The following PAK2 variants were observed in gnomAD, a reference collection of about 807,000 sequenced individuals.
PAK2 encodes p21 (RAC1) activated kinase 2, also known as serine/threonine-protein kinase PAK 2.
A neutral mutation model predicts 65.9 loss-of-function variants in PAK2; 21 were observed. The ratio of observed to expected loss-of-function variants is 0.32; its 90% CI spans 0.23 to 0.46. The LOEUF (loss-of-function observed/expected upper bound fraction) is 0.46. Among genes scored for constraint, PAK2 ranks in the 20% least tolerant of loss-of-function variants. PAK2 has a pLI of 1.00. For synonymous variants in PAK2, 204 were observed against 219.7 expected, an observed-to-expected ratio of 0.93 and a Z score of 0.63; for missense variants, 324 against 642.6, an observed-to-expected ratio of 0.50 and a Z score of 5.36.
chr3:196,803,679 A>G (rs1715488533), intron 4 of PAK2, among the ~76,000 whole-genome samples: 1 of 152,226 alleles, frequency 6.6e-6, no homozygotes, highest in Admixed American at 6.5e-5. Context: ...AAGCGTTAGA[A>G]CTAAAAGGAT....
chr3:196,796,231 G>C (rs1560107379), intron 2 of PAK2, among the ~76,000 whole-genome samples: 1 of 150,912 alleles, frequency 6.6e-6, no homozygotes, highest in Non-Finnish European at 1.5e-5. Flanking sequence ...AAATTTCTTT[G>C]AAAGATAATT....
intron 1 of PAK2, among the ~76,000 whole-genome samples, chr3:196,754,222 A>G (rs536608269): frequency 6.6e-6 from 1 of 152,266 alleles, no homozygotes; most frequent in South Asian, 2.1e-4. Context: ...GAAGTAATTT[A>G]CCTTGTAAGT....
chr3:196,812,394 ATGTTTATAGCACTTC>A (rs1426789169), intron 9 of PAK2, 127 bp downstream of exon 9: 1 of 703,052 alleles, frequency 1.4e-6, no homozygotes, highest in African/African-American at 1.7e-5. Context: ...CGCTCTACGT[ATGTTTATAGCACTTC>A]TGTCAGTAAG....
chr3:196,812,648 A>G, intron 9 of PAK2, 91 bp from the exon 10 acceptor site: 1 of 659,862 alleles, frequency 1.5e-6, no homozygotes, highest in Non-Finnish European at 2.7e-6. Context: ...GTAATACAGT[A>G]CACGTACCGT....
chr3:196,753,040 G>C (rs994959700), intron 1 of PAK2, among the ~76,000 whole-genome samples: 1 of 151,002 alleles, frequency 6.6e-6, no homozygotes, highest in African/African-American at 2.4e-5. Context: ...GAGTGCAGTG[G>C]TGCCGATGGC....
rs190858822 is a variant in PAK2 at position 196,806,671 on chromosome 3, G to A, written c.561G>A (p.Pro187=). 70 of 1,600,880 alleles carry A rather than the reference G, an allele frequency of 4.4e-5. No individual in the cohort carries two copies. The East Asian group carries it at 1.2e-3, about 29-fold the overall frequency. Residue 187 remains proline, a synonymous_variant, in exon 6 of 15, where the codon CCG becomes CCA. Transcript: ENST00000327134. ...ETAPPVIAPR[P]DHTKSIYTRS... ...CTCCTCCCGTTATTGCCCCGCGACC[G>A]GATCATACGAAATCAGTGAGTCTCC...
chr3:196,767,180 G>A (rs938366413), intron 1 of PAK2, among the ~76,000 whole-genome samples: 3 of 152,128 alleles, frequency 2.0e-5, no homozygotes, highest in African/African-American at 7.2e-5. Context: ...ATTTATGGCT[G>A]TTTGAGTTAC....
chr3:196,798,017 C>CTT (rs1715310414), intron 2 of PAK2, among the ~76,000 whole-genome samples: 1 of 152,046 alleles, frequency 6.6e-6, no homozygotes, highest in Non-Finnish European at 1.5e-5. Context: ...GATTTTAAAT[C>CTT]AATGACTTTA....
intron 1 of PAK2, among the ~76,000 whole-genome samples, chr3:196,756,277 T>A (rs536020710): frequency 6.6e-6 from 1 of 152,306 alleles, no homozygotes; most frequent in South Asian, 2.1e-4. Flanking sequence ...ACACTCCCTG[T>A]GTCCTCTGTA....
intron 1 of PAK2, among the ~76,000 whole-genome samples, chr3:196,762,719 G>C (rs544282933): frequency 2.0e-5 from 3 of 149,496 alleles, no homozygotes; most frequent in South Asian, 2.1e-4. Context: ...CGCTTTAACC[G>C]GGGAGGCGGA....
At chr3:196,812,154 T>C in intron 8 of PAK2, 65 bp from the exon 9 acceptor site, 5 of 899,160 alleles carry the variant, frequency 5.6e-6, no homozygotes, top group Non-Finnish European at 9.5e-6. Flanking sequence ...GTGTAAAGTC[T>C]TTGGATATTG....
chr3:196,804,659 G>A (rs1184726010), intron 4 of PAK2, among the ~76,000 whole-genome samples: 1 of 152,028 alleles, frequency 6.6e-6, no homozygotes, highest in African/African-American at 2.4e-5. Flanking sequence ...TAGAGACTGG[G>A]TTTCTCCATG....
intron 5 of PAK2, among the ~76,000 whole-genome samples, chr3:196,805,680 C>G (rs1364565571): frequency 6.6e-6 from 1 of 151,984 alleles, no homozygotes; most frequent in Non-Finnish European, 1.5e-5. Flanking sequence ...ATATATTTTC[C>G]TCTCCATCCC....
chr3:196,750,644 T>C (rs1483977525), intron 1 of PAK2, among the ~76,000 whole-genome samples: 1 of 152,146 alleles, frequency 6.6e-6, no homozygotes, highest in Non-Finnish European at 1.5e-5. Flanking sequence ...TTTTTTGTTG[T>C]GTCTTTTTAA....
rs114973681 is a variant in PAK2 at position 196,743,587 on chromosome 3, C to G, written c.-22+3430C>G. Among the ~76,000 whole-genome samples the G allele has an allele frequency of 4.4e-3, 664 of 152,220 alleles. 4 individuals carry two copies. The highest frequency in any genetic ancestry group is 0.015 in the African/African-American group (631 of 41,514). On this transcript the variant is annotated intron_variant, in intron 1 of 14. Coordinates refer to ENST00000327134, the MANE Select transcript of PAK2 (RefSeq NM_002577.4). Reference sequence around the variant, plus strand: ...TCTAGGCCGGGTGCGGTGGCTCACACCTGTAATCACAACACATTAGGAGGC... The same window carrying G: ...TCTAGGCCGGGTGCGGTGGCTCACAGCTGTAATCACAACACATTAGGAGGC...
chr3:196,819,867 A>G (rs2108772518), intron 12 of PAK2, among the ~76,000 whole-genome samples: 1 of 152,208 alleles, frequency 6.6e-6, no homozygotes, highest in Admixed American at 6.5e-5. Flanking sequence ...GCTGGGTGTG[A>G]TGGCGCACAC....
chr3:196,782,953 T>C, intron 2 of PAK2, 120 bp downstream of exon 2: 1 of 537,658 alleles, frequency 1.9e-6, no homozygotes, highest in Admixed American at 3.2e-5. Flanking sequence ...GGTGCTAATA[T>C]ACAGGCACTA....
At chr3:196,815,010 T>G (rs1577744231) in intron 11 of PAK2, among the ~76,000 whole-genome samples, 1 of 150,286 alleles carries the variant, frequency 6.7e-6, no homozygotes, top group South Asian at 2.1e-4. Context: ...AAACCCTGTC[T>G]CTACTAAAAA....
chr3:196,754,156 T>C (rs1713697417), intron 1 of PAK2, among the ~76,000 whole-genome samples: 2 of 152,228 alleles, frequency 1.3e-5, no homozygotes, highest in African/African-American at 4.8e-5. Context: ...TCCTGGTTTC[T>C]TCTCTCCATA....
Sources: gnomAD v4.1 joint callset for allele counts (sites outside exome capture counted in the v4.1 genomes callset) on GRCh38, gnomAD v4.1.1 for gene constraint, MANE v1.5 for transcripts, NCBI Gene and HGNC (gene_info 2026-07-23, HGNC 2026-07-21) for gene names.